The following ERGIC1 variants were observed in gnomAD, a reference collection of about 807,000 sequenced individuals.
ERGIC1 encodes the protein endoplasmic reticulum-Golgi intermediate compartment protein 1.
In ERGIC1, 19 loss-of-function variants were observed where a neutral mutation model predicts 38.3. The observed-to-expected ratio is 0.50, with a 90% CI of 0.35 to 0.73. ERGIC1 has a LOEUF of 0.73. Among genes scored for constraint, ERGIC1 ranks in the 30% least tolerant of loss-of-function variants. The pLI is 0.01. For missense variants in ERGIC1, 294 were observed against 389.2 expected, an observed-to-expected ratio of 0.76 and a Z score of 2.06; for synonymous variants, 124 against 157.6, an observed-to-expected ratio of 0.79 and a Z score of 1.60.
chr5:172,874,473 A>AGT (rs796956514), intron 1 of ERGIC1, among the ~76,000 whole-genome samples: 10 of 152,312 alleles, frequency 6.6e-5, no homozygotes, highest in African/African-American at 2.4e-4. Flanking sequence ...CCATTGCACA[A>AGT]GTGCTTCTCC....
chr5:172,920,375 G>GATGT, intron 5 of ERGIC1: 1 of 717,936 alleles, frequency 1.4e-6, no homozygotes, highest in African/African-American at 1.7e-5. Flanking sequence ...AAGTTGACCA[G>GATGT]CAGCCAGATG....
intron 3 of ERGIC1, among the ~76,000 whole-genome samples, chr5:172,903,021 A>T (rs1003395936): frequency 1.4e-4 from 18 of 129,368 alleles, no homozygotes; most frequent in African/African-American, 4.5e-4. Context: ...CTACAAGGCC[A>T]CTGTCCACCC....
chr5:172,916,373 G>A (rs887856557), intron 5 of ERGIC1: 2 of 152,236 alleles, frequency 1.3e-5, no homozygotes, highest in African/African-American at 4.8e-5. Context: ...CTGCCACACA[G>A]CACCTTTGCC....
rs193079329 is a variant in ERGIC1, at chr5:172,869,650, A to G, written c.21-19049A>G. On this transcript the variant is annotated intron_variant, in intron 1 of 9. Transcript: ENST00000393784. ...GAAAATGAATCACTGTAAAAATCAAATTTTCTTATCCACTTGCATTATTGG... is the reference window on the plus strand; with the variant it reads ...GAAAATGAATCACTGTAAAAATCAAGTTTTCTTATCCACTTGCATTATTGG... Among the ~76,000 whole-genome samples the G allele has an allele frequency of 1.8e-4, 28 of 152,302 alleles. No homozygotes were observed. The East Asian group carries it at 4.2e-3, about 23-fold the overall frequency.
rs1409464562 is a variant in ERGIC1 at position 172,837,210 on chromosome 5, T to C, written c.20+2777T>C. ...TTCCCTACGGATACTTCTGATTTTC[T>C]TACTGCCTGTAGAGCCTGGTGCAAC... On this transcript the variant is annotated intron_variant, in intron 1 of 9. Coordinates refer to ENST00000393784, the MANE Select transcript of ERGIC1 (RefSeq NM_001031711.3). The surrounding 1 kb of genome is among the most constrained non-coding windows in gnomAD (Gnocchi z 4.3). 1.3e-5 allele frequency among the ~76,000 whole-genome samples: 2 copies of C among 152,198 alleles called. No individual in the cohort carries two copies. Among genetic ancestry groups the C allele is most frequent in the African/African-American group, 4.8e-5 (2 of 41,450 alleles).
intron 2 of ERGIC1, among the ~76,000 whole-genome samples, chr5:172,892,061 TG>T (rs1315471705): frequency 3.6e-4 from 37 of 101,476 alleles, no homozygotes; most frequent in South Asian, 9.7e-4. Flanking sequence ...TTAAAGAGTA[TG>T]TTTTTTTTTT....
chr5:172,897,463 A>G (rs56174215), intron 3 of ERGIC1, among the ~76,000 whole-genome samples: 7,748 of 150,342 alleles, frequency 0.052, 257 homozygotes, highest in South Asian at 0.11. Flanking sequence ...GAGGAGTCTT[A>G]AAAAGGAGAG....
At chr5:172,840,940 C>T (rs1484433590) in intron 1 of ERGIC1, among the ~76,000 whole-genome samples, 1 of 152,178 alleles carries the variant, frequency 6.6e-6, no homozygotes, top group Non-Finnish European at 1.5e-5. Flanking sequence ...CACTGGCTGC[C>T]TCACTGAGGA....
At chr5:172,883,761 C>T (rs565270141) in intron 1 of ERGIC1, among the ~76,000 whole-genome samples, 7 of 152,264 alleles carry the variant, frequency 4.6e-5, no homozygotes, top group African/African-American at 1.4e-4. Context: ...GCGGGCAGAT[C>T]GCTTGAGCCC....
intron 1 of ERGIC1, chr5:172,867,498 C>G (rs532395117): frequency 1.7e-4 from 76 of 440,638 alleles, no homozygotes; most frequent in Non-Finnish European, 2.8e-4. Context: ...CCTCAGTGTT[C>G]CAGCCTCTGC....
Position 172,950,875 on chromosome 5 carries a change from CCT to C in ERGIC1, c.*60_*61del. 6.7e-7 allele frequency: 1 copy of C among 1,481,644 alleles called. No individual in the cohort carries two copies. The highest frequency in any genetic ancestry group is 1.9e-5 in the Admixed American group (1 of 53,546). 91.8% of individuals were successfully genotyped at this position (1,481,644 alleles called of 1,614,324 possible). On this transcript the variant is annotated 3_prime_UTR_variant, in exon 10 of 10. Transcript: ENST00000393784. ...GCATCGCCAGCCTTGCCTCCAGTGCCCTGTCTCCTTTGGCCCTCAATCTGGTC... is the reference window on the plus strand; with the variant it reads ...GCATCGCCAGCCTTGCCTCCAGTGCCGTCTCCTTTGGCCCTCAATCTGGTC...
chr5:172,921,203 C>T (rs1326579814), intron 5 of ERGIC1, among the ~76,000 whole-genome samples: 1 of 152,252 alleles, frequency 6.6e-6, no homozygotes, highest in Admixed American at 6.5e-5. Context: ...ACTGACCTCG[C>T]CTAAGGCTCC....
chr5:172,910,945 C>T (rs1178760355), intron 4 of ERGIC1, among the ~76,000 whole-genome samples: 1 of 152,180 alleles, frequency 6.6e-6, no homozygotes, highest in Non-Finnish European at 1.5e-5. Flanking sequence ...GCCTCAGATT[C>T]CTCATCTGCA....
At chr5:172,857,337 A>G (rs911186112) in intron 1 of ERGIC1, among the ~76,000 whole-genome samples, 34 of 152,228 alleles carry the variant, frequency 2.2e-4, no homozygotes, top group African/African-American at 7.7e-4. Context: ...GCCATGCACC[A>G]TCCTTCCTCA....
At chr5:172,878,542 GGTAGCA>G (rs982820135) in intron 1 of ERGIC1, among the ~76,000 whole-genome samples, 30 of 152,228 alleles carry the variant, frequency 2.0e-4, no homozygotes, top group African/African-American at 7.2e-4. Context: ...TCGCAAGGGG[GGTAGCA>G]GCAGTCATAG....
chr5:172,886,972 CCCT>C (rs1397559495), intron 1 of ERGIC1, among the ~76,000 whole-genome samples: 1 of 152,194 alleles, frequency 6.6e-6, no homozygotes, highest in Non-Finnish European at 1.5e-5. Flanking sequence ...GCTTCTAGTA[CCCT>C]CAGGGGCACA....
At chr5:172,856,986 C>A (rs769210826) in intron 1 of ERGIC1, among the ~76,000 whole-genome samples, 1 of 152,194 alleles carries the variant, frequency 6.6e-6, no homozygotes, top group Non-Finnish European at 1.5e-5. Flanking sequence ...AGGGTTGGGG[C>A]CCCTGGAAAC....
intron 9 of ERGIC1, among the ~76,000 whole-genome samples, chr5:172,941,204 G>A (rs188126629): frequency 1.1e-3 from 169 of 151,866 alleles, no homozygotes; most frequent in Admixed American, 1.6e-3. Flanking sequence ...AGGAGATCTT[G>A]GCAGTAAGCC....
intron 4 of ERGIC1, among the ~76,000 whole-genome samples, chr5:172,914,339 A>G (rs1252114930): frequency 2.0e-5 from 3 of 152,078 alleles, no homozygotes; most frequent in African/African-American, 7.2e-5. Flanking sequence ...AGCATTTTCT[A>G]CATCTATGAA....
Sources: gnomAD v4.1 joint callset for allele counts (sites outside exome capture counted in the v4.1 genomes callset) on GRCh38, gnomAD v4.1.1 for gene constraint, Gnocchi (gnomAD v3.1) non-coding constraint, MANE v1.5 for transcripts, NCBI Gene and HGNC (gene_info 2026-07-23, HGNC 2026-07-21) for gene names.